Variants in PTGER3 observed in about 807,000 individuals in gnomAD.
PTGER3 encodes the protein prostaglandin E2 receptor EP3 subtype.
PTGER3 carries 22 observed loss-of-function variants against 34.7 expected under a neutral mutation model. The ratio of observed to expected loss-of-function variants is 0.63; its 90% CI spans 0.45 to 0.91. The LOEUF is 0.91. Among genes scored for constraint, PTGER3 ranks in the 40% least tolerant of loss-of-function variants. The probability of loss-of-function intolerance (pLI) is 0.00; values close to 1 mark genes in which losing one functional copy is unlikely to be tolerated. For missense variants in PTGER3, 468 were observed against 519.4 expected, an observed-to-expected ratio of 0.90 and a Z score of 0.96; for synonymous variants, 241 against 230.1, an observed-to-expected ratio of 1.05 and a Z score of -0.43.
chr1:70,938,697 AGTG>A (rs1557669699), intron 4 of PTGER3, among the ~76,000 whole-genome samples: 8 of 152,130 alleles, frequency 5.3e-5, no homozygotes, highest in African/African-American at 1.7e-4. Context: ...AAGAAACAAA[AGTG>A]GAAACCCCTG....
At chr1:70,879,363 CAGCTTCCTGAGT>C (rs1388379075) in intron 4 of PTGER3, among the ~76,000 whole-genome samples, 1 of 152,186 alleles carries the variant, frequency 6.6e-6, no homozygotes, top group Non-Finnish European at 1.5e-5. Flanking sequence ...TCTTGTGCCT[CAGCTTCCTGAGT>C]AGCTGGGATT....
chr1:70,878,902 A>G (rs1410555712), intron 4 of PTGER3, among the ~76,000 whole-genome samples: 1 of 152,064 alleles, frequency 6.6e-6, no homozygotes, highest in African/African-American at 2.4e-5. Flanking sequence ...TGAGTGGTTG[A>G]TTTTAGAGTA....
At chr1:70,852,686 A>C in exon 5 of PTGER3, 1 of 886,752 alleles carries the variant, frequency 1.1e-6, no homozygotes, top group East Asian at 2.4e-5. Context: ...AGGACATAAC[A>C]GCTTCTGGAT....
intron 1 of PTGER3, among the ~76,000 whole-genome samples, chr1:71,024,356 C>T (rs938544036): frequency 4.6e-5 from 7 of 152,134 alleles, no homozygotes; most frequent in African/African-American, 1.7e-4. Flanking sequence ...TTAATACAAT[C>T]TTCATATGGA....
chr1:70,955,993 C>A (rs1364542994), intron 2 of PTGER3, among the ~76,000 whole-genome samples: 1 of 152,152 alleles, frequency 6.6e-6, no homozygotes, highest in Non-Finnish European at 1.5e-5. Context: ...TCTCAAGTAG[C>A]TATTTCCAAC....
In PTGER3 at chr1:70,970,829, ATTCT is replaced by A; in HGVS notation, c.*897_*900del. On this transcript the variant is annotated 3_prime_UTR_variant, in exon 4 of 4. Transcript: ENST00000306666. ...TTTTATTTTAATACAGACAAAATAG[ATTCT>A]TTTATTTTATAAAAACGTAATAAAG... is the stretch of plus-strand genomic sequence containing the variant. 1.1e-6 allele frequency: 1 copy of A among 905,378 alleles called. No individual in the cohort carries two copies. The highest frequency in any genetic ancestry group is 1.3e-6 in the Non-Finnish European group (1 of 757,068). 56.1% of individuals were successfully genotyped at this position (905,378 alleles called of 1,614,324 possible).
chr1:70,957,394 C>A (rs2100611751), intron 2 of PTGER3, among the ~76,000 whole-genome samples: 1 of 152,062 alleles, frequency 6.6e-6, no homozygotes, highest in East Asian at 1.9e-4. Flanking sequence ...GCAATTTGAC[C>A]TTCATTTAAC....
At chr1:71,028,599 C>T (rs189523471) in intron 1 of PTGER3, among the ~76,000 whole-genome samples, 143 of 152,232 alleles carry the variant, frequency 9.4e-4, no homozygotes, top group Admixed American at 1.8e-3. Flanking sequence ...CCTATTGTCG[C>T]CGAAATTCCT....
At chr1:70,977,691 C>G (rs534245095) in intron 2 of PTGER3, among the ~76,000 whole-genome samples, 12 of 152,164 alleles carry the variant, frequency 7.9e-5, no homozygotes, top group African/African-American at 2.9e-4. Flanking sequence ...TAGCTATCCC[C>G]TCCCTCTTCC....
intron 3 of PTGER3, chr1:70,953,110 A>C: frequency 1.4e-6 from 2 of 1,440,982 alleles, no homozygotes; most frequent in Non-Finnish European, 1.9e-6. Flanking sequence ...AAATAACAAT[A>C]TGAAAATAAA....
chr1:70,963,819 C>T (rs1339458237), intron 2 of PTGER3, among the ~76,000 whole-genome samples: 1 of 152,194 alleles, frequency 6.6e-6, no homozygotes, highest in Non-Finnish European at 1.5e-5. Context: ...ATTTCTGATG[C>T]AGGCTTGAAT....
chr1:70,987,381 A>C (rs914384344), intron 2 of PTGER3, among the ~76,000 whole-genome samples: 1 of 152,246 alleles, frequency 6.6e-6, no homozygotes, highest in Non-Finnish European at 1.5e-5. Flanking sequence ...TTTTATCTAC[A>C]GTTTTTTACA....
intron 4 of PTGER3, among the ~76,000 whole-genome samples, chr1:70,893,032 A>G (rs1300806016): frequency 6.6e-6 from 1 of 152,164 alleles, no homozygotes; most frequent in Non-Finnish European, 1.5e-5. Flanking sequence ...CAACTAAAAA[A>G]AAAACGTTTC....
intron 2 of PTGER3, chr1:71,009,166 T>G: frequency 1.0e-6 from 1 of 985,262 alleles, no homozygotes; most frequent in Non-Finnish European, 1.2e-6. Context: ...ATTAGAATAC[T>G]GCCACAGAGT....
intron 4 of PTGER3, among the ~76,000 whole-genome samples, chr1:70,940,536 C>T (rs1649659858): frequency 6.6e-6 from 1 of 152,260 alleles, no homozygotes; most frequent in South Asian, 2.1e-4. Flanking sequence ...CTTACAGTTC[C>T]ACATGGCTGG....
chr1:70,852,639 G>T, exon 5 of PTGER3: 1 of 663,328 alleles, frequency 1.5e-6, no homozygotes, highest in East Asian at 2.7e-5. Context: ...ATTGATGTAT[G>T]TAGATATAGT....
At chr1:70,919,667 C>T (rs1297055980) in intron 4 of PTGER3, among the ~76,000 whole-genome samples, 1 of 152,114 alleles carries the variant, frequency 6.6e-6, no homozygotes, top group Non-Finnish European at 1.5e-5. Flanking sequence ...GAAGAAAAAT[C>T]TCTTTTTCAC....
chr1:71,010,578 G>T, intron 2 of PTGER3: 1 of 984,184 alleles, frequency 1.0e-6, no homozygotes, highest in Non-Finnish European at 1.2e-6. Flanking sequence ...AAGAGGTAAA[G>T]CCTCTTTATT....
rs1657479760 is a variant in PTGER3 at position 71,011,895 on chromosome 1, T to C, written c.1077+410A>G. 4 of 1,127,728 alleles carry C rather than the reference T, an allele frequency of 3.5e-6. No homozygotes were observed. In the South Asian group the frequency reaches 1.0e-4, roughly 29 times the overall value. 69.9% of individuals were successfully genotyped at this position (1,127,728 alleles called of 1,614,324 possible). On this transcript the variant is annotated intron_variant, in intron 2 of 3. Transcript: ENST00000306666. ...TAAATTCCTCATGTATTCAGTGTAC[T>C]GGAATATTAACTATCCCCGCTCCCC...
Sources: allele counts gnomAD v4.1 joint callset (sites outside exome capture counted in the v4.1 genomes callset), GRCh38; gene constraint gnomAD v4.1.1; transcripts MANE v1.5; gene names NCBI Gene and HGNC (gene_info 2026-07-23, HGNC 2026-07-21).